CMSS1: variants seen among roughly 807,000 people sequenced by gnomAD.
CMSS1 encodes protein CMSS1.
Under a neutral mutation model 43.5 loss-of-function variants are expected in CMSS1, and 33 were observed. That is an observed-to-expected ratio of 0.76 (90% CI 0.57 to 1.01). The LOEUF is 1.01. Among genes scored for constraint, CMSS1 ranks in the 50% least tolerant of loss-of-function variants. CMSS1 has a pLI of 0.00. For synonymous variants in CMSS1, 115 were observed against 117.2 expected (o/e 0.98, Z 0.12); for missense variants, 313 against 326.4 (o/e 0.96, Z 0.32).
At chr3:99,849,834 G>A in intron 1 of CMSS1, 1 of 1,610,844 alleles carries the variant, frequency 6.2e-7, no homozygotes, top group Non-Finnish European at 8.5e-7. Context: ...ATGCTGTTGT[G>A]GATTTCCCAG....
At chr3:100,011,410 C>T (rs2107195436) in intron 1 of CMSS1, among the ~76,000 whole-genome samples, 2 of 152,216 alleles carry the variant, frequency 1.3e-5, no homozygotes, top group Non-Finnish European at 2.9e-5. Flanking sequence ...TAGAGACTAA[C>T]TTAATAAAAA....
rs183073366 is a variant in CMSS1 at position 100,084,123 on chromosome 3, G to A, written c.65-62850G>A. ...TTTAAAATAAAGCCTCGGGCCATGA[G>A]ACCCATGTCATTTGCTGCATGTCTA... On this transcript the variant is annotated intron_variant, in intron 1 of 9. Coordinates refer to ENST00000421999, the MANE Select transcript of CMSS1 (RefSeq NM_032359.4). Among the ~76,000 whole-genome samples the A allele has an allele frequency of 3.3e-5, 5 of 152,224 alleles. No individual in the cohort carries two copies. The East Asian group carries it at 9.6e-4, about 29-fold the overall frequency.
In CMSS1 at chr3:99,848,587, G is replaced by T. The variant is rs765900822; in HGVS notation, c.64+30544G>T. On this transcript the variant is annotated intron_variant, in intron 1 of 9. Coordinates refer to ENST00000421999, the MANE Select transcript of CMSS1 (RefSeq NM_032359.4). ...CCGGTCTGGGGAGACTCTGAATATCGCATGCTTGGCACTGATTTCTGTTGG... is the reference window on the plus strand; with the variant it reads ...CCGGTCTGGGGAGACTCTGAATATCTCATGCTTGGCACTGATTTCTGTTGG... 7 of 1,614,134 alleles carry T rather than the reference G, an allele frequency of 4.3e-6. No homozygotes were observed. In the South Asian group the frequency reaches 7.7e-5, roughly 18 times the overall value.
intron 1 of CMSS1, among the ~76,000 whole-genome samples, chr3:99,833,833 G>A (rs1022839898): frequency 2.0e-5 from 3 of 152,308 alleles, no homozygotes; most frequent in Admixed American, 1.3e-4. Flanking sequence ...TCACTCCCTT[G>A]GGGACTTAGC....
At chr3:100,074,193 T>A (rs1050756053) in intron 1 of CMSS1, among the ~76,000 whole-genome samples, 1 of 152,176 alleles carries the variant, frequency 6.6e-6, no homozygotes, top group Non-Finnish European at 1.5e-5. Flanking sequence ...TATCCTGCAG[T>A]GGAGTCCGAG....
intron 1 of CMSS1, chr3:99,875,942 G>T: frequency 1.9e-6 from 1 of 538,276 alleles, no homozygotes; most frequent in Non-Finnish European, 2.4e-6. Context: ...AGAATTCATT[G>T]GATGCGCTTT....
intron 1 of CMSS1, among the ~76,000 whole-genome samples, chr3:99,957,449 T>A (rs1708352452): frequency 6.6e-6 from 1 of 152,132 alleles, no homozygotes; most frequent in African/African-American, 2.4e-5. Flanking sequence ...TACACATATG[T>A]GTGTATATAT....
In CMSS1 at chr3:99,933,230, C is replaced by T. The variant is rs149166098; in HGVS notation, c.64+115187C>T. ...ATGCATATATACACTGGTACAAATA[C>T]CTTGTCCGAAAAATGCCTATAGCCT... On this transcript the variant is annotated intron_variant, in intron 1 of 9. Transcript: ENST00000421999. 4.6e-3 allele frequency among the ~76,000 whole-genome samples: 702 copies of T among 152,240 alleles called. 2 individuals carry two copies. The highest frequency in any genetic ancestry group is 7.0e-3 in the South Asian group (34 of 4,826).
intron 1 of CMSS1, among the ~76,000 whole-genome samples, chr3:100,124,487 G>A (rs529341829): frequency 1.3e-5 from 2 of 152,286 alleles, no homozygotes; most frequent in East Asian, 3.9e-4. Context: ...AGAGGCTGAG[G>A]AGTACAGGCC....
At chr3:99,821,905 G>A (rs1310068229) in intron 1 of CMSS1, among the ~76,000 whole-genome samples, 1 of 152,124 alleles carries the variant, frequency 6.6e-6, no homozygotes, top group African/African-American at 2.4e-5. Flanking sequence ...AATTAGCCAG[G>A]TGTGGTAGCA....
intron 1 of CMSS1, among the ~76,000 whole-genome samples, chr3:100,063,754 A>G (rs553724421): frequency 2.0e-5 from 3 of 152,314 alleles, no homozygotes; most frequent in Admixed American, 6.5e-5. Flanking sequence ...CCTGAATAAA[A>G]TTTCATATCA....
intron 1 of CMSS1, among the ~76,000 whole-genome samples, chr3:99,997,003 C>T (rs1709704995): frequency 6.6e-6 from 1 of 152,100 alleles, no homozygotes. Context: ...ACAAGCAGTG[C>T]TAAATGGAAA....
chr3:100,109,356 C>T (rs2066449330), intron 1 of CMSS1, among the ~76,000 whole-genome samples: 1 of 152,074 alleles, frequency 6.6e-6, no homozygotes, highest in African/African-American at 2.4e-5. Context: ...GTAAAATTAC[C>T]TCTTATATAA....
chr3:100,110,625 T>C (rs878986441), intron 1 of CMSS1, among the ~76,000 whole-genome samples: 1 of 152,184 alleles, frequency 6.6e-6, no homozygotes, highest in Non-Finnish European at 1.5e-5. Flanking sequence ...TAGCTAATAA[T>C]AGACAATACT....
chr3:100,099,094 G>A (rs924726097), intron 1 of CMSS1, among the ~76,000 whole-genome samples: 7 of 152,158 alleles, frequency 4.6e-5, no homozygotes, highest in African/African-American at 1.7e-4. Context: ...ACCCAGAGAA[G>A]TTTTGAACTG....
At chr3:99,932,291 A>T (rs569200642) in intron 1 of CMSS1, among the ~76,000 whole-genome samples, 2 of 152,276 alleles carry the variant, frequency 1.3e-5, no homozygotes, top group East Asian at 3.9e-4. Context: ...TGAACAATGT[A>T]TAGTATTACA....
chr3:99,985,068 G>A, intron 1 of CMSS1, among the ~76,000 whole-genome samples: 1 of 152,216 alleles, frequency 6.6e-6, no homozygotes, highest in East Asian at 1.9e-4. Flanking sequence ...ATGGTTAGAA[G>A]TTGCATATTC....
intron 1 of CMSS1, among the ~76,000 whole-genome samples, chr3:100,132,703 C>G (rs2066718806): frequency 6.7e-6 from 1 of 150,224 alleles, no homozygotes; most frequent in Non-Finnish European, 1.5e-5. Flanking sequence ...CCTATAGTCC[C>G]AGCTACTCAG....
chr3:99,849,311 T>G (rs765044781), intron 1 of CMSS1: 14 of 1,614,066 alleles, frequency 8.7e-6, no homozygotes. Flanking sequence ...TCGGAAATTC[T>G]TCTTCCATTG....
Sources: gnomAD v4.1 joint callset for allele counts (sites outside exome capture counted in the v4.1 genomes callset) on GRCh38, gnomAD v4.1.1 for gene constraint, MANE v1.5 for transcripts, NCBI Gene and HGNC (gene_info 2026-07-23, HGNC 2026-07-21) for gene names.